EXOC6B: variants seen among roughly 807,000 people sequenced by gnomAD.
EXOC6B encodes the protein SEC15 homolog B.
EXOC6B carries 54 observed loss-of-function variants against 113.5 expected under a neutral mutation model. The ratio of observed to expected loss-of-function variants is 0.48; its 90% CI spans 0.38 to 0.60. The LOEUF (loss-of-function observed/expected upper bound fraction) is 0.60, where lower values mean the gene tolerates loss of function less well. Among genes scored for constraint, EXOC6B ranks in the 20% least tolerant of loss-of-function variants. The pLI is 0.00. For synonymous variants in EXOC6B, 357 were observed against 339.0 expected, an observed-to-expected ratio of 1.05 and a Z score of -0.58; for missense variants, 797 against 977.5, an observed-to-expected ratio of 0.82 and a Z score of 2.46.
chr2:72,493,128 A>G (rs1699836961), intron 15 of EXOC6B, among the ~76,000 whole-genome samples: 1 of 152,044 alleles, frequency 6.6e-6, no homozygotes, highest in South Asian at 2.1e-4. Context: ...ACAATACATT[A>G]AGACTTTAGT....
At chr2:72,338,956 C>CATACAT (rs1195435433) in intron 19 of EXOC6B, among the ~76,000 whole-genome samples, 1 of 151,374 alleles carries the variant, frequency 6.6e-6, no homozygotes, top group African/African-American at 2.4e-5. Context: ...TACACATACA[C>CATACAT]ATACACATAC....
intron 6 of EXOC6B, among the ~76,000 whole-genome samples, chr2:72,623,870 T>C (rs1671892248): frequency 6.6e-6 from 1 of 152,082 alleles, no homozygotes; most frequent in South Asian, 2.1e-4. Context: ...TCCCATAAAC[T>C]CCTTCTATGA....
At chr2:72,490,677 G>A (rs1699692017) in intron 16 of EXOC6B, among the ~76,000 whole-genome samples, 1 of 152,082 alleles carries the variant, frequency 6.6e-6, no homozygotes, top group Non-Finnish European at 1.5e-5. Flanking sequence ...CAATGACTAA[G>A]GAATAACATT....
chr2:72,742,071 ACAG>A (rs1177179463), intron 1 of EXOC6B, among the ~76,000 whole-genome samples: 2 of 152,176 alleles, frequency 1.3e-5, no homozygotes, highest in Non-Finnish European at 2.9e-5. Context: ...ACAGAAAAAA[ACAG>A]GCACAAAGAA....
At chr2:72,666,824 A>ACACAC (rs376270262) in intron 6 of EXOC6B, among the ~76,000 whole-genome samples, 5,139 of 135,256 alleles carry the variant, frequency 0.038, 178 homozygotes, top group East Asian at 0.084. Context: ...CACACACACA[A>ACACAC]AGAAATGCCT....
At chr2:72,639,433 C>G (rs1322967961) in intron 6 of EXOC6B, among the ~76,000 whole-genome samples, 1 of 152,182 alleles carries the variant, frequency 6.6e-6, no homozygotes, top group Non-Finnish European at 1.5e-5. Context: ...GCCCCGTACA[C>G]CCCCAAACTG....
At chr2:72,198,010 C>A (rs1679275486) in intron 20 of EXOC6B, among the ~76,000 whole-genome samples, 1 of 152,100 alleles carries the variant, frequency 6.6e-6, no homozygotes, top group Non-Finnish European at 1.5e-5. Context: ...GGATATTGCC[C>A]CATGATCTAC....
intron 1 of EXOC6B, among the ~76,000 whole-genome samples, chr2:72,778,700 C>G (rs1683854235): frequency 6.6e-6 from 1 of 152,146 alleles, no homozygotes; most frequent in South Asian, 2.1e-4. Context: ...CAAATCATGA[C>G]TAAGATTTGC....
chr2:72,511,995 T>C (rs1700927529), intron 11 of EXOC6B, among the ~76,000 whole-genome samples: 1 of 152,114 alleles, frequency 6.6e-6, no homozygotes, highest in African/African-American at 2.4e-5. Flanking sequence ...CTCACTATTA[T>C]TCCTCAAACA....
At chr2:72,233,193 T>C (rs1437435035) in intron 20 of EXOC6B, among the ~76,000 whole-genome samples, 1 of 152,032 alleles carries the variant, frequency 6.6e-6, no homozygotes, top group Non-Finnish European at 1.5e-5. Context: ...ATTTTTGTAA[T>C]TAAATAAAAG....
In EXOC6B at chr2:72,809,427, C is replaced by T. The variant is rs113627655; in HGVS notation, c.113+16371G>A. On this transcript the variant is annotated intron_variant, in intron 1 of 21. Coordinates refer to ENST00000272427, the MANE Select transcript of EXOC6B (RefSeq NM_015189.3). ...CATTGATCAAAGCAAAGCAGGAATGCCTATATTATCATCAAATAAAGTAGA... is the reference window on the plus strand; with the variant it reads ...CATTGATCAAAGCAAAGCAGGAATGTCTATATTATCATCAAATAAAGTAGA... Among the ~76,000 whole-genome samples the T allele has an allele frequency of 1.5e-4, 23 of 151,288 alleles. 2 individuals carry two copies. The highest frequency in any genetic ancestry group is 4.6e-4 in the African/African-American group (19 of 41,214).
intron 18 of EXOC6B, among the ~76,000 whole-genome samples, chr2:72,390,876 C>T (rs1264075648): frequency 6.6e-6 from 1 of 152,188 alleles, no homozygotes. Context: ...GTTTGTCTGA[C>T]CTCATGGACT....
chr2:72,651,847 T>A (rs368646685), intron 6 of EXOC6B, among the ~76,000 whole-genome samples: 1 of 152,134 alleles, frequency 6.6e-6, no homozygotes, highest in East Asian at 1.9e-4. Context: ...TCTCCTGACC[T>A]TGTGATCCGC....
chr2:72,651,412 A>C (rs895546295), intron 6 of EXOC6B, among the ~76,000 whole-genome samples: 7 of 152,208 alleles, frequency 4.6e-5, no homozygotes, highest in Non-Finnish European at 2.9e-5. Flanking sequence ...AATTGATATT[A>C]ATTGAGTTGA....
chr2:72,390,652 G>A (rs1208571067), intron 18 of EXOC6B, among the ~76,000 whole-genome samples: 1 of 152,076 alleles, frequency 6.6e-6, no homozygotes, highest in African/African-American at 2.4e-5. Flanking sequence ...TTATGTAGAG[G>A]CCCAAAACTA....
At chr2:72,296,308 C>T (rs1032928773) in intron 20 of EXOC6B, among the ~76,000 whole-genome samples, 2 of 151,906 alleles carry the variant, frequency 1.3e-5, no homozygotes, top group African/African-American at 4.8e-5. Context: ...TCAGACTCTT[C>T]CAGAGAAAAA....
At position 72,680,481 on chromosome 2, in the gene EXOC6B, T is replaced by A. The variant is rs1676620548; in HGVS notation, c.669+37622A>T. Among the ~76,000 whole-genome samples, 3 of 152,184 alleles carry A rather than the reference T, an allele frequency of 2.0e-5. No homozygotes were observed. The South Asian group carries it at 6.2e-4, about 31-fold the overall frequency. On this transcript the variant is annotated intron_variant, in intron 6 of 21. Coordinates refer to ENST00000272427, the MANE Select transcript of EXOC6B (RefSeq NM_015189.3). ...CTGGCCTGGCTCAGTGGCTCACGCC[T>A]GTAATCCCAGCACTTTGGGAGCCCA...
intron 6 of EXOC6B, among the ~76,000 whole-genome samples, chr2:72,623,678 T>C (rs546516678): frequency 5.4e-4 from 82 of 152,328 alleles, no homozygotes; most frequent in African/African-American, 1.8e-3. Flanking sequence ...ATGACCCAGC[T>C]GACCAGCACC....
At chr2:72,529,926 T>C (rs180688309) in intron 8 of EXOC6B, among the ~76,000 whole-genome samples, 20 of 152,326 alleles carry the variant, frequency 1.3e-4, no homozygotes, top group African/African-American at 4.8e-4. Context: ...TTGTTCACAG[T>C]GTTCTCTTAT....
Sources: allele counts gnomAD v4.1 joint callset (sites outside exome capture counted in the v4.1 genomes callset), GRCh38; gene constraint gnomAD v4.1.1; transcripts MANE v1.5; gene names NCBI Gene and HGNC (gene_info 2026-07-23, HGNC 2026-07-21).